RSPO2: variants seen among roughly 807,000 people sequenced by gnomAD.
RSPO2 encodes R-spondin-2.
Under a neutral mutation model 30.9 loss-of-function variants are expected in RSPO2, and 14 were observed. That is an observed-to-expected ratio of 0.45 (90% CI 0.30 to 0.71). The LOEUF is 0.71. Ranked by LOEUF, RSPO2 falls within the 30% of genes least tolerant of loss-of-function variation. RSPO2 has a pLI of 0.08. For missense variants in RSPO2, 264 were observed against 301.9 expected (o/e 0.87, Z 0.93); for synonymous variants, 107 against 96.4 (o/e 1.11, Z -0.64).
At chr8:107,984,071 T>C (rs1207364946) in intron 3 of RSPO2, 3 of 521,304 alleles carry the variant, frequency 5.8e-6, no homozygotes, top group East Asian at 3.2e-5. Context: ...ATCCCGGAAA[T>C]GCTTCATCTG....
At chr8:108,009,521 A>T (rs919971140) in intron 2 of RSPO2, among the ~76,000 whole-genome samples, 4 of 152,222 alleles carry the variant, frequency 2.6e-5, no homozygotes, top group African/African-American at 4.8e-5. Context: ...ATCCTATTTT[A>T]AAAAGTCACA....
At chr8:108,078,442 C>T (rs536332666) in intron 2 of RSPO2, among the ~76,000 whole-genome samples, 8 of 152,226 alleles carry the variant, frequency 5.3e-5, no homozygotes, top group Non-Finnish European at 1.0e-4. Flanking sequence ...GAAACTTTTT[C>T]ATTTAACTGT....
intron 2 of RSPO2, among the ~76,000 whole-genome samples, chr8:108,011,908 C>A (rs781768439): frequency 2.0e-5 from 3 of 152,076 alleles, no homozygotes; most frequent in Non-Finnish European, 4.4e-5. Context: ...AGTTTTACTG[C>A]CAGTAATTAG....
intron 2 of RSPO2, chr8:107,996,806 C>T (rs997193059): frequency 2.7e-6 from 1 of 364,514 alleles, no homozygotes; most frequent in African/African-American, 2.1e-5. Context: ...TCAGAGTCAA[C>T]AAACTGTGCC....
In RSPO2 at chr8:107,989,159, G is replaced by C. The variant is rs149399382; in HGVS notation, c.180C>G (p.Phe60Leu). The C allele has an allele frequency of 4.3e-6, 7 of 1,612,148 alleles. No homozygotes were observed. The highest frequency in any genetic ancestry group is 2.7e-5 in the African/African-American group (2 of 74,740). ...GCATCCCTTCTCTTCGAAGGAAGAA[G>C]AACAACTTCTGTTGACATCGGCTAC... ...NGCSRCQQKL[F>L]FFLRREGMRQ... The change falls in exon 3 of 6, where the codon TTC (phenylalanine) becomes TTG (leucine). Residue 60 changes from phenylalanine to leucine, a missense_variant. By Grantham distance (22) the Phe-to-Leu change is conservative. Transcript: ENST00000276659.
At chr8:107,910,202 C>T (rs1210306235) in intron 5 of RSPO2, among the ~76,000 whole-genome samples, 1 of 152,158 alleles carries the variant, frequency 6.6e-6, no homozygotes, top group African/African-American at 2.4e-5. Flanking sequence ...ATACCTTCCT[C>T]TTGGTCTTAA....
intron 5 of RSPO2, among the ~76,000 whole-genome samples, chr8:107,936,197 ATT>A (rs1265711367): frequency 1.3e-5 from 2 of 152,070 alleles, no homozygotes; most frequent in African/African-American, 4.8e-5. Context: ...AACATGTGAT[ATT>A]TGTCTTTCTG....
intron 5 of RSPO2, among the ~76,000 whole-genome samples, chr8:107,922,171 G>A (rs941503416): frequency 2.7e-4 from 41 of 152,082 alleles, no homozygotes; most frequent in African/African-American, 7.2e-4. Flanking sequence ...ATCCCTATTT[G>A]CAGATGACAT....
rs374343893 is a variant in RSPO2 at position 108,033,232 on chromosome 8, A to G, written c.95-43988T>C. Among the ~76,000 whole-genome samples, 37 of 152,160 alleles carry G rather than the reference A, an allele frequency of 2.4e-4. 1 individual carries two copies. In the East Asian group the frequency reaches 6.2e-3, roughly 25 times the overall value. ...TTCTTATTGTATACTGCAGCAAAAA[A>G]TTATTGATCACCACCACCTTCTTTC... On this transcript the variant is annotated intron_variant, in intron 2 of 5. Transcript: ENST00000276659.
At chr8:107,916,620 GACAA>G (rs1178832973) in intron 5 of RSPO2, among the ~76,000 whole-genome samples, 10 of 152,142 alleles carry the variant, frequency 6.6e-5, no homozygotes, top group South Asian at 4.1e-4. Context: ...TTCTAGTTCA[GACAA>G]ACAGAGTAAC....
At chr8:108,071,833 C>G (rs1043282036) in intron 2 of RSPO2, among the ~76,000 whole-genome samples, 1 of 152,286 alleles carries the variant, frequency 6.6e-6, no homozygotes, top group Non-Finnish European at 1.5e-5. Context: ...CCTACTAGAA[C>G]TACCCAGAAG....
rs376963024 is a variant in RSPO2, at chr8:108,082,534, G to A, written c.94+11C>T. On this transcript the variant is annotated intron_variant, in intron 2 of 5. Coordinates refer to ENST00000276659, the MANE Select transcript of RSPO2 (RefSeq NM_178565.5). ...AAGCCCACCACGCACCTTTGGCAGA[G>A]AGGGACCCACCTCGCTTACTGCGTC... 1 of 1,610,618 alleles carries A rather than the reference G, an allele frequency of 6.2e-7. No homozygotes were observed. Among genetic ancestry groups the A allele is most frequent in the Non-Finnish European group, 8.5e-7 (1 of 1,176,938 alleles).
chr8:107,986,130 C>A (rs1814621350), intron 3 of RSPO2, among the ~76,000 whole-genome samples: 1 of 152,124 alleles, frequency 6.6e-6, no homozygotes, highest in South Asian at 2.1e-4. Flanking sequence ...TCTGTGACAG[C>A]TTTTCCAATT....
At chr8:108,028,579 A>G (rs1424355205) in intron 2 of RSPO2, among the ~76,000 whole-genome samples, 2 of 152,200 alleles carry the variant, frequency 1.3e-5, no homozygotes, top group Admixed American at 6.5e-5. Flanking sequence ...GGAACTGTGC[A>G]TGGTAGACCA....
intron 2 of RSPO2, among the ~76,000 whole-genome samples, chr8:108,004,472 T>C (rs1242143371): frequency 6.6e-6 from 1 of 152,180 alleles, no homozygotes; most frequent in East Asian, 1.9e-4. Flanking sequence ...ACCACTCAAA[T>C]GATCAAAACT....
At chr8:107,914,149 G>A (rs1811905326) in intron 5 of RSPO2, among the ~76,000 whole-genome samples, 2 of 152,072 alleles carry the variant, frequency 1.3e-5, no homozygotes, top group Non-Finnish European at 2.9e-5. Context: ...AGTGACTTAT[G>A]ATGAATACAA....
At chr8:108,050,098 A>G (rs73700376) in intron 2 of RSPO2, among the ~76,000 whole-genome samples, 68 of 151,678 alleles carry the variant, frequency 4.5e-4, no homozygotes, top group African/African-American at 1.5e-3. Context: ...GGTTGGGGGG[A>G]ATCACAGATC....
chr8:108,030,883 A>G (rs770027636), intron 2 of RSPO2, among the ~76,000 whole-genome samples: 6 of 152,198 alleles, frequency 3.9e-5, no homozygotes, highest in Non-Finnish European at 8.8e-5. Flanking sequence ...TTACAATAGG[A>G]TACATTTTAT....
At chr8:107,969,883 A>G (rs628489) in intron 3 of RSPO2, among the ~76,000 whole-genome samples, 91,379 of 151,892 alleles carry the variant, frequency 0.6, 28,415 homozygotes, top group Middle Eastern at 0.76. Flanking sequence ...TTTATATTAC[A>G]GTAGAAGTAG....
Sources: allele counts gnomAD v4.1 joint callset (sites outside exome capture counted in the v4.1 genomes callset), GRCh38; gene constraint gnomAD v4.1.1; transcripts MANE v1.5; gene names NCBI Gene and HGNC (gene_info 2026-07-23, HGNC 2026-07-21).